The following SYNRG variants were observed in gnomAD, a reference collection of about 807,000 sequenced individuals.
SYNRG encodes the protein AP1 gamma subunit binding protein 1.
A neutral mutation model predicts 130.9 loss-of-function variants in SYNRG; 37 were observed. The ratio of observed to expected loss-of-function variants is 0.28; its 90% CI spans 0.22 to 0.37. The LOEUF is 0.37. SYNRG is among the 10% of genes least tolerant of loss of function. The pLI is 1.00. For synonymous variants in SYNRG, 539 were observed against 568.1 expected, an observed-to-expected ratio of 0.95 and a Z score of 0.73; for missense variants, 1,338 against 1,588.9, an observed-to-expected ratio of 0.84 and a Z score of 2.68.
At chr17:37,533,926 CTTTTTTTTTTTT>C (rs765621244) in intron 19 of SYNRG, among the ~76,000 whole-genome samples, 2 of 57,790 alleles carry the variant, frequency 3.5e-5, no homozygotes, top group Non-Finnish European at 6.4e-5. Flanking sequence ...ATTTTCTTTT[CTTTTTTTTTTTT>C]TTTTTTTTTT....
At chr17:37,587,080 CATA>C (rs1439309472) in intron 3 of SYNRG, among the ~76,000 whole-genome samples, 13 of 152,076 alleles carry the variant, frequency 8.5e-5, no homozygotes, top group South Asian at 8.3e-4. Context: ...TAAAAAATTA[CATA>C]ATATTATAAA....
intron 11 of SYNRG, among the ~76,000 whole-genome samples, chr17:37,563,659 G>A (rs986159790): frequency 1.3e-5 from 2 of 151,110 alleles, no homozygotes; most frequent in Non-Finnish European, 3.0e-5. Context: ...TCCCAAGTAG[G>A]TGGGACAGCT....
intron 13 of SYNRG, among the ~76,000 whole-genome samples, chr17:37,555,830 T>C (rs1300679321): frequency 6.6e-6 from 1 of 151,998 alleles, no homozygotes; most frequent in Non-Finnish European, 1.5e-5. Flanking sequence ...TGTTTGAACC[T>C]GGGAGGCGGA....
chr17:37,596,240 C>T lies in SYNRG; in HGVS notation c.223G>A (p.Gly75Arg). The change falls in exon 3 of 22, where the codon GGA becomes AGA. Residue 75 changes from glycine (G) to arginine (R), a missense_variant. Around this residue, in one of 3 missense-constraint regions of SYNRG, gnomAD observed 184 missense variants for 217.2 expected, o/e 0.85. Coordinates refer to ENST00000612223, the MANE Select transcript of SYNRG (RefSeq NM_007247.6). ...GCAAGTACCTGCATAGCAATAGGTC[C>T]TTGGGACATCTGAGAGCTGTAATTC... Reference protein sequence around the residue: ...GMNYSSQMSQGPIAMQAGIPM... With the variant: ...GMNYSSQMSQRPIAMQAGIPM... 1 of 1,614,088 alleles carries T rather than the reference C, an allele frequency of 6.2e-7. No homozygotes were observed. Among genetic ancestry groups the T allele is most frequent in the Admixed American group, 1.7e-5 (1 of 60,016 alleles).
At chr17:37,559,475 AG>A (rs2059364447) in intron 13 of SYNRG, among the ~76,000 whole-genome samples, 2 of 152,202 alleles carry the variant, frequency 1.3e-5, no homozygotes, top group African/African-American at 4.8e-5. Flanking sequence ...AGATCACCTG[AG>A]GTCAGGAGTT....
chr17:37,558,749 G>A (rs1189199182), intron 13 of SYNRG, among the ~76,000 whole-genome samples: 1 of 152,134 alleles, frequency 6.6e-6, no homozygotes, highest in Non-Finnish European at 1.5e-5. Context: ...GCAGATGATT[G>A]AACACTGGCG....
In SYNRG at chr17:37,568,818, T is replaced by G. The variant is rs772898606; in HGVS notation, c.1454A>C (p.Lys485Thr). Residue 485 changes from lysine (K) to threonine (T), a missense_variant, in exon 11 of 22, where the codon AAA becomes ACA. By Grantham distance (78) the Lys-to-Thr change is moderately conservative (BLOSUM62 -1). This residue lies in a region of SYNRG where 1,146 missense variants were observed against 1,342.3 expected (regional missense o/e 0.85). Transcript: ENST00000612223. Reference sequence around the variant, plus strand: ...GTTTCCATGCTGGGAGTTACTTGTTTTTGAAGAAGCAGGCAACTCTTGGAA... The same window carrying G: ...GTTTCCATGCTGGGAGTTACTTGTTGTTGAAGAAGCAGGCAACTCTTGGAA... Reference protein sequence around the residue: ...SDFQELPASSKTSNSQHGNSA... With the variant: ...SDFQELPASSTTSNSQHGNSA... 2.5e-6 allele frequency: 4 copies of G among 1,614,138 alleles called. No homozygotes were observed. Among genetic ancestry groups the G allele is most frequent in the Non-Finnish European group, 3.4e-6 (4 of 1,180,000 alleles).
At chr17:37,601,828 C>G (rs1478914552) in intron 1 of SYNRG, among the ~76,000 whole-genome samples, 2 of 151,870 alleles carry the variant, frequency 1.3e-5, no homozygotes, top group Non-Finnish European at 2.9e-5. Context: ...CCAAACCTGG[C>G]TAATTATTGT....
intron 8 of SYNRG, among the ~76,000 whole-genome samples, chr17:37,573,846 G>A (rs1769452725): frequency 1.3e-5 from 2 of 152,132 alleles, no homozygotes; most frequent in Admixed American, 6.6e-5. Context: ...CAGATTCAAT[G>A]CAATCCCTAT....
chr17:37,608,059 C>T (rs1258507803), intron 1 of SYNRG, among the ~76,000 whole-genome samples: 1 of 150,620 alleles, frequency 6.6e-6, no homozygotes, highest in Non-Finnish European at 1.5e-5. Flanking sequence ...CTGGCTTACA[C>T]GAAGTATTTA....
intron 14 of SYNRG, among the ~76,000 whole-genome samples, chr17:37,549,711 C>T (rs1196454068): frequency 3.3e-5 from 5 of 152,148 alleles, no homozygotes; most frequent in African/African-American, 9.7e-5. Flanking sequence ...ACACTTTAGC[C>T]TCCTGAGTAG....
intron 19 of SYNRG, among the ~76,000 whole-genome samples, chr17:37,523,931 CA>C (rs544738115): frequency 1.6e-3 from 245 of 152,286 alleles, no homozygotes; most frequent in African/African-American, 5.7e-3. Context: ...TCTTGAGAAC[CA>C]AAAACAAGAG....
At chr17:37,555,540 A>G (rs1372578573) in intron 13 of SYNRG, among the ~76,000 whole-genome samples, 1 of 152,250 alleles carries the variant, frequency 6.6e-6, no homozygotes, top group African/African-American at 2.4e-5. Context: ...TAGCATCTGA[A>G]GGTCTACCAT....
intron 8 of SYNRG, among the ~76,000 whole-genome samples, chr17:37,575,323 A>G (rs755241264): frequency 5.3e-5 from 8 of 152,184 alleles, no homozygotes; most frequent in Non-Finnish European, 1.0e-4. Context: ...TTCATAACAC[A>G]AAGAAGTAAT....
intron 14 of SYNRG, among the ~76,000 whole-genome samples, chr17:37,552,745 A>G (rs1598296931): frequency 6.6e-6 from 1 of 152,196 alleles, no homozygotes; most frequent in African/African-American, 2.4e-5. Context: ...AAGGAGAGGG[A>G]AACACTGATT....
In SYNRG at chr17:37,584,634, C is replaced by A. The variant is rs572789276; in HGVS notation, c.589+14G>T. 8.7e-6 allele frequency: 14 copies of A among 1,604,678 alleles called. No individual in the cohort carries two copies. The highest frequency in any genetic ancestry group is 1.2e-5 in the Non-Finnish European group (14 of 1,172,256). ...CTTCCCAGAAAAGAAAAATATAATG[C>A]CTCTTAAAACTACCTGGTTTCTTGG... is the stretch of plus-strand genomic sequence containing the variant. On this transcript the variant is annotated intron_variant, in intron 6 of 21. Coordinates refer to ENST00000612223, the MANE Select transcript of SYNRG (RefSeq NM_007247.6).
chr17:37,567,369 T>C (rs999929744), intron 11 of SYNRG: 28 of 152,236 alleles, frequency 1.8e-4, no homozygotes, highest in Admixed American at 1.3e-3. Context: ...ATTTAACACA[T>C]TTTTATGTGG....
chr17:37,536,451 G>A, intron 18 of SYNRG: 1 of 318,322 alleles, frequency 3.1e-6, no homozygotes, highest in Admixed American at 4.9e-5. Flanking sequence ...CTCCAAGGAT[G>A]GTTGAGAGGA....
At chr17:37,556,853 C>A (rs893410777) in intron 13 of SYNRG, among the ~76,000 whole-genome samples, 2 of 152,146 alleles carry the variant, frequency 1.3e-5, no homozygotes, top group Admixed American at 1.3e-4. Flanking sequence ...TTTATCACAG[C>A]CTAAATTTTT....
Sources: gnomAD v4.1 joint callset for allele counts (sites outside exome capture counted in the v4.1 genomes callset) on GRCh38, gnomAD v4.1.1 for gene constraint, gnomAD v4.1.1 regional missense constraint, MANE v1.5 for transcripts, NCBI Gene and HGNC (gene_info 2026-07-23, HGNC 2026-07-21) for gene names.